CRACD: variants seen among roughly 807,000 people sequenced by gnomAD.
The protein encoded by CRACD is capping protein inhibiting regulator of actin dynamics.
CRACD carries 56 observed loss-of-function variants against 106.8 expected under a neutral mutation model. That is an observed-to-expected ratio of 0.52 (90% CI 0.42 to 0.66). CRACD has a LOEUF of 0.66. Ranked by LOEUF, CRACD falls within the 30% of genes least tolerant of loss-of-function variation. CRACD has a pLI of 0.00. For missense variants in CRACD, 1,730 were observed against 1,623.2 expected, an observed-to-expected ratio of 1.07 and a Z score of -1.13; for synonymous variants, 754 against 670.8, an observed-to-expected ratio of 1.12 and a Z score of -1.92.
intron 1 of CRACD, among the ~76,000 whole-genome samples, chr4:56,175,917 C>T (rs1442629466): frequency 6.6e-6 from 1 of 152,116 alleles, no homozygotes; most frequent in Non-Finnish European, 1.5e-5. Context: ...AGATTCAGGT[C>T]TTACATTTAA....
chr4:56,295,645 T>C (rs142209704), intron 3 of CRACD, among the ~76,000 whole-genome samples: 1,855 of 139,492 alleles, frequency 0.013, 47 homozygotes, highest in African/African-American at 0.047. Flanking sequence ...CACACAACTG[T>C]GAGAAATTAG....
intron 1 of CRACD, among the ~76,000 whole-genome samples, chr4:56,152,233 G>T (rs1350237060): frequency 6.6e-6 from 1 of 151,278 alleles, no homozygotes; most frequent in Non-Finnish European, 1.5e-5. Context: ...TAGCCAGGAT[G>T]GTCTCGATCT....
intron 1 of CRACD, among the ~76,000 whole-genome samples, chr4:56,109,542 A>G (rs1455987160): frequency 6.6e-6 from 1 of 152,166 alleles, no homozygotes; most frequent in Admixed American, 6.5e-5. Flanking sequence ...GAATAGGTCT[A>G]TAGTTCATAG....
rs1450587197 is a variant in CRACD at position 56,307,623 on chromosome 4, A to G, written c.209A>G (p.Glu70Gly). 1 of 1,614,068 alleles carries G rather than the reference A, an allele frequency of 6.2e-7. No homozygotes were observed. The highest frequency in any genetic ancestry group is 1.3e-5 in the African/African-American group (1 of 74,928). The part of the protein sequence containing the change: ...NKANSGEASL[E>G]EDLFLTSPME... ...GCAAACAGTGGAGAGGCTAGCTTAGAAGAGGATCTGTTCCTGACCAGTCCC... is the reference window on the plus strand; with the variant it reads ...GCAAACAGTGGAGAGGCTAGCTTAGGAGAGGATCTGTTCCTGACCAGTCCC... Residue 70 changes from glutamate (E) to glycine (G), a missense_variant, in exon 5 of 11, where the codon GAA (glutamate) becomes GGA (glycine). Physicochemically the swap from Glu to Gly is moderately conservative, Grantham distance 98. This residue lies in a region of CRACD where 1,620 missense variants were observed against 1,481.6 expected (regional missense o/e 1.09). Transcript: ENST00000682029.
At chr4:56,301,519 T>C (rs1013350251) in intron 4 of CRACD, among the ~76,000 whole-genome samples, 1 of 152,126 alleles carries the variant, frequency 6.6e-6, no homozygotes, top group Non-Finnish European at 1.5e-5. Flanking sequence ...GCAAGCTGAT[T>C]AGCCACCATT....
chr4:56,148,558 G>A (rs1735475424), intron 1 of CRACD, among the ~76,000 whole-genome samples: 1 of 152,114 alleles, frequency 6.6e-6, no homozygotes, highest in Non-Finnish European at 1.5e-5. Context: ...CACCCAATGT[G>A]CTGAGATTAC....
rs1180236855 is a variant in CRACD at position 56,278,083 on chromosome 4, AG to A, written c.-17+5592del. Among the ~76,000 whole-genome samples the A allele has an allele frequency of 2.6e-5, 4 of 152,262 alleles. No individual in the cohort carries two copies. In the East Asian group the frequency reaches 7.7e-4, roughly 29 times the overall value. Reference sequence around the variant, plus strand: ...TATTGTTAAGATGACAGTACTCCCCAGATTGAGCTACAGATTCAATGTGGTC... The same window carrying A: ...TATTGTTAAGATGACAGTACTCCCCAATTGAGCTACAGATTCAATGTGGTC... On this transcript the variant is annotated intron_variant, in intron 3 of 10. Coordinates refer to ENST00000682029, the MANE Select transcript of CRACD (RefSeq NM_001393381.1).
intron 2 of CRACD, among the ~76,000 whole-genome samples, chr4:56,218,543 C>T (rs1003158272): frequency 8.0e-5 from 11 of 137,728 alleles, no homozygotes; most frequent in South Asian, 8.0e-4. Flanking sequence ...CCCTTCTCCC[C>T]GCTTCCCTTG....
At chr4:56,063,285 T>C (rs1200219606) in intron 1 of CRACD, among the ~76,000 whole-genome samples, 1 of 152,128 alleles carries the variant, frequency 6.6e-6, no homozygotes. Context: ...CCTCGACCTC[T>C]TGGGCTCAAG....
intron 3 of CRACD, among the ~76,000 whole-genome samples, chr4:56,279,255 C>T (rs545939601): frequency 1.3e-5 from 2 of 152,192 alleles, no homozygotes; most frequent in Non-Finnish European, 2.9e-5. Context: ...TCTTCTGCGT[C>T]GCTCATGCCG....
At chr4:56,128,733 A>C (rs1225533875) in intron 1 of CRACD, among the ~76,000 whole-genome samples, 2 of 152,146 alleles carry the variant, frequency 1.3e-5, no homozygotes, top group Admixed American at 6.6e-5. Flanking sequence ...GAGACCCCCC[A>C]CCTCAGAAAC....
intron 1 of CRACD, among the ~76,000 whole-genome samples, chr4:56,138,455 ACT>A (rs1470458614): frequency 6.6e-6 from 1 of 152,084 alleles, no homozygotes; most frequent in Non-Finnish European, 1.5e-5. Context: ...ATAGAGCAAC[ACT>A]CTGTCTCAAA....
chr4:56,142,765 G>T (rs1735249663), intron 1 of CRACD, among the ~76,000 whole-genome samples: 1 of 151,976 alleles, frequency 6.6e-6, no homozygotes, highest in East Asian at 1.9e-4. Flanking sequence ...ATGTTTAGTT[G>T]ATTGTCACAA....
rs1344514772 is a variant in CRACD, at chr4:56,068,106, AG to A, written c.-336+18809del. ...GTTGGGGAAAGAAAGGCAGGGAAGA[AG>A]GATCAGGCATAGGAGGTTGGGAAGA... is the stretch of plus-strand genomic sequence containing the variant. On this transcript the variant is annotated intron_variant, in intron 1 of 10. Coordinates refer to ENST00000682029, the MANE Select transcript of CRACD (RefSeq NM_001393381.1). 3.3e-5 allele frequency among the ~76,000 whole-genome samples: 5 copies of A among 152,274 alleles called. No individual in the cohort carries two copies. In the East Asian group the frequency reaches 9.7e-4, roughly 29 times the overall value.
intron 1 of CRACD, among the ~76,000 whole-genome samples, chr4:56,169,279 CCATATGG>C (rs1736267332): frequency 6.6e-6 from 1 of 152,086 alleles, no homozygotes; most frequent in Non-Finnish European, 1.5e-5. Flanking sequence ...ATATGGAAGG[CCATATGG>C]TTACAGTTTT....
At chr4:56,233,702 T>C (rs1454801928) in intron 2 of CRACD, among the ~76,000 whole-genome samples, 2 of 152,214 alleles carry the variant, frequency 1.3e-5, no homozygotes, top group Non-Finnish European at 2.9e-5. Flanking sequence ...CGCAGTTTCA[T>C]ATGAATTTGA....
intron 2 of CRACD, among the ~76,000 whole-genome samples, chr4:56,250,765 G>A (rs1366664882): frequency 2.0e-5 from 3 of 152,160 alleles, no homozygotes; most frequent in Non-Finnish European, 4.4e-5. Context: ...TCACAGAGTG[G>A]TCGTGAGGTA....
chr4:56,163,992 C>T (rs1435070507), intron 1 of CRACD, among the ~76,000 whole-genome samples: 2 of 152,104 alleles, frequency 1.3e-5, no homozygotes, highest in East Asian at 1.9e-4. Context: ...AAGTGATCTG[C>T]CACCTCAGCC....
chr4:56,269,283 T>C (rs1472596941), intron 2 of CRACD, among the ~76,000 whole-genome samples: 1 of 151,946 alleles, frequency 6.6e-6, no homozygotes, highest in Non-Finnish European at 1.5e-5. Flanking sequence ...CTCAGGAGGC[T>C]GAGGCATGAG....
Sources: gnomAD v4.1 joint callset for allele counts (sites outside exome capture counted in the v4.1 genomes callset) on GRCh38, gnomAD v4.1.1 for gene constraint, gnomAD v4.1.1 regional missense constraint, MANE v1.5 for transcripts, NCBI Gene and HGNC (gene_info 2026-07-23, HGNC 2026-07-21) for gene names.